The following NXN variants were observed in gnomAD, a reference collection of about 807,000 sequenced individuals.
NXN encodes the protein nucleoredoxin, also known as nucleoredoxin 1.
NXN carries 16 observed loss-of-function variants against 48.6 expected under a neutral mutation model. The observed-to-expected ratio is 0.33, with a 90% CI of 0.22 to 0.50. NXN has a LOEUF of 0.50. Ranked by LOEUF, NXN falls within the 20% of genes least tolerant of loss-of-function variation. The pLI is 0.98. For synonymous variants in NXN, 281 were observed against 269.6 expected (o/e 1.04, Z -0.41); for missense variants, 492 against 605.5 (o/e 0.81, Z 1.97).
chr17:846,575 T>A (rs8071387), intron 1 of NXN, among the ~76,000 whole-genome samples: 2,082 of 152,328 alleles, frequency 0.014, 49 homozygotes, highest in African/African-American at 0.047. Flanking sequence ...CACAAAAGCC[T>A]TCATTCCTGA....
At chr17:806,906 TCACACACACTCACATACACACACA>T (rs2144576907) in intron 5 of NXN, among the ~76,000 whole-genome samples, 1 of 146,204 alleles carries the variant, frequency 6.8e-6, no homozygotes, top group South Asian at 2.1e-4. Context: ...CACTCCGACA[TCACACACACTCACATACACACACA>T]CACACACACA....
chr17:941,384 C>T (rs2068973460), intron 1 of NXN, among the ~76,000 whole-genome samples: 2 of 148,296 alleles, frequency 1.3e-5, no homozygotes, highest in African/African-American at 5.1e-5. Flanking sequence ...AGGGTGCAGC[C>T]ATGAATTCAC....
rs187529580 is a variant in NXN, at chr17:917,469, A to C, written c.360+61850T>G. Reference sequence around the variant, plus strand: ...CATCTTTACTCATGAACCTAAACTCACAGAGCAGCCCCACACTGTCGTCTG... The same window carrying C: ...CATCTTTACTCATGAACCTAAACTCCCAGAGCAGCCCCACACTGTCGTCTG... On this transcript the variant is annotated intron_variant, in intron 1 of 7. Coordinates refer to ENST00000336868, the MANE Select transcript of NXN (RefSeq NM_022463.5). This position sits in a 1 kb window ranked among gnomAD's most constrained non-coding sequence, Gnocchi z 4.5. Among the ~76,000 whole-genome samples the C allele has an allele frequency of 6.6e-3, 999 of 152,258 alleles. 10 individuals are homozygous for C. The highest frequency in any genetic ancestry group is 0.022 in the African/African-American group (909 of 41,556).
chr17:867,623 G>A (rs1287815109), intron 1 of NXN, among the ~76,000 whole-genome samples: 1 of 152,152 alleles, frequency 6.6e-6, no homozygotes, highest in Non-Finnish European at 1.5e-5. Flanking sequence ...TTTAACACGT[G>A]GAAGATTGAA....
intron 1 of NXN, among the ~76,000 whole-genome samples, chr17:908,678 T>G (rs2068603640): frequency 6.6e-6 from 1 of 152,128 alleles, no homozygotes; most frequent in Non-Finnish European, 1.5e-5. Context: ...ATCACAAAGC[T>G]CCTTCCATCC....
chr17:871,129 G>A (rs2068148814), intron 1 of NXN, among the ~76,000 whole-genome samples: 1 of 152,060 alleles, frequency 6.6e-6, no homozygotes, highest in Non-Finnish European at 1.5e-5. Flanking sequence ...CCAAAGTGCT[G>A]GGATTACAGG....
intron 1 of NXN, among the ~76,000 whole-genome samples, chr17:922,177 C>A (rs1462515033): frequency 6.6e-6 from 1 of 152,178 alleles, no homozygotes; most frequent in Non-Finnish European, 1.5e-5. Context: ...CACAGTGGCT[C>A]ACGTCTGTAA....
chr17:841,688 G>GGA (rs1567828234), intron 1 of NXN, among the ~76,000 whole-genome samples: 16 of 113,556 alleles, frequency 1.4e-4, no homozygotes, highest in African/African-American at 5.5e-4. Context: ...CCCTGACCAT[G>GGA]GCACATCTCA....
Position 813,660 on chromosome 17 carries a change from T to C in NXN, c.820+5779A>G, listed in dbSNP as rs190808178. ...CATATTTGGTATTTAACTTCAGCAT[T>C]TTTTTTTTGTTTAAGAGACTACGGC... On this transcript the variant is annotated intron_variant, in intron 5 of 7. Coordinates refer to ENST00000336868, the MANE Select transcript of NXN (RefSeq NM_022463.5). Among the ~76,000 whole-genome samples the C allele has an allele frequency of 7.0e-3, 1,063 of 151,332 alleles. 12 individuals are homozygous for C. Among genetic ancestry groups the C allele is most frequent in the African/African-American group, 0.022 (913 of 41,358 alleles).
At chr17:946,733 T>C (rs1259409314) in intron 1 of NXN, among the ~76,000 whole-genome samples, 1 of 152,234 alleles carries the variant, frequency 6.6e-6, no homozygotes, top group African/African-American at 2.4e-5. Context: ...ACTGTACCGC[T>C]GACGGGCTCG....
At chr17:902,529 T>C (rs899765318) in intron 1 of NXN, among the ~76,000 whole-genome samples, 2 of 152,016 alleles carry the variant, frequency 1.3e-5, no homozygotes, top group Non-Finnish European at 2.9e-5. Context: ...CCCCAAAAGG[T>C]GAGCAGAGAA....
intron 1 of NXN, among the ~76,000 whole-genome samples, chr17:829,306 C>T (rs1913317175): frequency 6.6e-6 from 1 of 151,892 alleles, no homozygotes; most frequent in Non-Finnish European, 1.5e-5. Context: ...CAGGCATGCA[C>T]CACCTTGCCG....
intron 1 of NXN, among the ~76,000 whole-genome samples, chr17:924,178 G>C (rs1021861294): frequency 1.3e-5 from 2 of 152,030 alleles, no homozygotes; most frequent in Non-Finnish European, 2.9e-5. Context: ...GCATATCTGG[G>C]ACCACAGGTG....
intron 1 of NXN, among the ~76,000 whole-genome samples, chr17:847,170 G>A (rs984834592): frequency 6.6e-6 from 1 of 151,962 alleles, no homozygotes; most frequent in African/African-American, 2.4e-5. Flanking sequence ...GGAGCCACTA[G>A]CACTCGGCAC....
At chr17:924,849 G>A (rs904164505) in intron 1 of NXN, among the ~76,000 whole-genome samples, 2 of 152,246 alleles carry the variant, frequency 1.3e-5, no homozygotes, top group African/African-American at 4.8e-5. Context: ...ACTTTCATCT[G>A]CGAAACTCCC....
chr17:897,427 C>A (rs1466449508), intron 1 of NXN, among the ~76,000 whole-genome samples: 2 of 152,216 alleles, frequency 1.3e-5, no homozygotes, highest in African/African-American at 4.8e-5. Context: ...AAAGCACGTT[C>A]TAGGGTGGGG....
rs939720116 is a variant in NXN, at chr17:978,937, A to G, written c.360+382T>C. Reference sequence around the variant, plus strand: ...TGCTCGCGGGTGAAGGGGTCGCGGAACCGGGATCCCCGAGCGCAGCCGCCC... The same window carrying G: ...TGCTCGCGGGTGAAGGGGTCGCGGAGCCGGGATCCCCGAGCGCAGCCGCCC... On this transcript the variant is annotated intron_variant, in intron 1 of 7. Transcript: ENST00000336868. This position sits in a 1 kb window ranked among gnomAD's most constrained non-coding sequence, Gnocchi z 4.1. Among the ~76,000 whole-genome samples, 2 of 150,574 alleles carry G rather than the reference A, an allele frequency of 1.3e-5. No homozygotes were observed.
At chr17:971,138 G>T (rs533319969) in intron 1 of NXN, among the ~76,000 whole-genome samples, 3 of 151,888 alleles carry the variant, frequency 2.0e-5, no homozygotes, top group African/African-American at 7.2e-5. Flanking sequence ...TAGAGACAGG[G>T]TTTCTCCACA....
intron 1 of NXN, among the ~76,000 whole-genome samples, chr17:846,748 T>C (rs1349242757): frequency 1.3e-5 from 2 of 151,892 alleles, no homozygotes; most frequent in African/African-American, 4.8e-5. Flanking sequence ...AGCCAGAAAG[T>C]TAGTCTTTCT....
Sources: allele counts gnomAD v4.1 joint callset (sites outside exome capture counted in the v4.1 genomes callset), GRCh38; gene constraint gnomAD v4.1.1; non-coding constraint Gnocchi (gnomAD v3.1); transcripts MANE v1.5; gene names NCBI Gene and HGNC (gene_info 2026-07-23, HGNC 2026-07-21).